The following SCAPER variants were observed in gnomAD, a reference collection of about 807,000 sequenced individuals.
SCAPER encodes the protein S-phase cyclin A associated protein in the ER, also known as S phase cyclin A-associated protein in the endoplasmic reticulum.
A neutral mutation model predicts 182.2 loss-of-function variants in SCAPER; 98 were observed. The observed-to-expected ratio is 0.54, with a 90% CI of 0.46 to 0.64. The LOEUF (loss-of-function observed/expected upper bound fraction) is 0.64. SCAPER is among the 30% of genes least tolerant of loss of function. The probability of loss-of-function intolerance (pLI) is 0.00; values close to 1 mark genes in which losing one functional copy is unlikely to be tolerated. For missense variants in SCAPER, 1,432 were observed against 1,690.0 expected, an observed-to-expected ratio of 0.85 and a Z score of 2.68; for synonymous variants, 605 against 564.6, an observed-to-expected ratio of 1.07 and a Z score of -1.01.
chr15:76,864,707 T>A (rs77866568), intron 2 of SCAPER, among the ~76,000 whole-genome samples: 2 of 152,050 alleles, frequency 1.3e-5, no homozygotes, highest in Non-Finnish European at 2.9e-5. Flanking sequence ...TTTTTTTTTT[T>A]ATTTTAGGCT....
intron 26 of SCAPER, among the ~76,000 whole-genome samples, chr15:76,418,934 G>A (rs1290275311): frequency 6.6e-6 from 1 of 152,204 alleles, no homozygotes; most frequent in African/African-American, 2.4e-5. Flanking sequence ...CCTGGAGTCT[G>A]CCAGGTAGTG....
chr15:76,650,404 G>A (rs1296170103), intron 21 of SCAPER, among the ~76,000 whole-genome samples: 1 of 151,794 alleles, frequency 6.6e-6, no homozygotes, highest in Non-Finnish European at 1.5e-5. Context: ...TTAGGATAAA[G>A]AGAATTAGAA....
chr15:76,799,118 G>C (rs1198424366), intron 7 of SCAPER, among the ~76,000 whole-genome samples: 2 of 152,046 alleles, frequency 1.3e-5, no homozygotes, highest in African/African-American at 4.8e-5. Context: ...TAATTTGTAT[G>C]ACAATAACAC....
chr15:76,597,255 G>A (rs1305720678), intron 22 of SCAPER, among the ~76,000 whole-genome samples: 1 of 121,418 alleles, frequency 8.2e-6, no homozygotes, highest in Non-Finnish European at 2.0e-5. Context: ...CACGGGATGT[G>A]AAGGACCTCT....
At chr15:76,515,042 A>G (rs2144130588) in intron 23 of SCAPER, among the ~76,000 whole-genome samples, 1 of 152,332 alleles carries the variant, frequency 6.6e-6, no homozygotes, top group Middle Eastern at 3.4e-3. Flanking sequence ...ATGTTACAAG[A>G]ACAAAAACAT....
intron 29 of SCAPER, among the ~76,000 whole-genome samples, chr15:76,360,409 C>G (rs2041318525): frequency 6.6e-6 from 1 of 152,222 alleles, no homozygotes; most frequent in East Asian, 1.9e-4. Context: ...GTCCTGGGTC[C>G]TCCAGCTCGT....
chr15:76,745,020 T>A (rs1392129545), intron 15 of SCAPER, among the ~76,000 whole-genome samples: 1 of 152,164 alleles, frequency 6.6e-6, no homozygotes, highest in African/African-American at 2.4e-5. Context: ...AAGGCCATAA[T>A]CCTAAGTGAA....
intron 25 of SCAPER, among the ~76,000 whole-genome samples, chr15:76,447,941 T>C (rs1259371717): frequency 6.6e-6 from 1 of 151,962 alleles, no homozygotes; most frequent in African/African-American, 2.4e-5. Context: ...CTGAGCTGAG[T>C]CTCACAGAAA....
At chr15:76,439,485 A>T (rs542869921) in intron 25 of SCAPER, among the ~76,000 whole-genome samples, 1 of 152,378 alleles carries the variant, frequency 6.6e-6, no homozygotes, top group Admixed American at 6.5e-5. Context: ...TGCCAGAGGT[A>T]AAATAGCTCA....
chr15:76,349,159 T>C (rs965738437), intron 31 of SCAPER: 1 of 152,690 alleles, frequency 6.5e-6, no homozygotes, highest in Admixed American at 6.5e-5. Flanking sequence ...TGAGTAGCCA[T>C]TGCACTCCAG....
chr15:76,614,568 C>T (rs1485256050), intron 22 of SCAPER, among the ~76,000 whole-genome samples: 1 of 151,930 alleles, frequency 6.6e-6, no homozygotes, highest in Non-Finnish European at 1.5e-5. Flanking sequence ...CGCATTTTTA[C>T]ACAATCAATG....
chr15:76,517,872 G>A (rs542741688), intron 23 of SCAPER, among the ~76,000 whole-genome samples: 22 of 151,740 alleles, frequency 1.4e-4, no homozygotes, highest in African/African-American at 4.4e-4. Flanking sequence ...GAGGGATCCC[G>A]AGCTTTCTTA....
rs114727765 is a variant in SCAPER at position 76,461,436 on chromosome 15, C to T, written c.3078+9776G>A. On this transcript the variant is annotated intron_variant, in intron 25 of 31. Coordinates refer to ENST00000563290, the MANE Select transcript of SCAPER (RefSeq NM_020843.4). ...ATTTGTCCACTAATTTTTGCATCCA[C>T]TGATGATTCTCTCCTGCAATATTTA... Among the ~76,000 whole-genome samples, 1,376 of 151,972 alleles carry T rather than the reference C, an allele frequency of 9.1e-3. 26 individuals carry two copies. The highest frequency in any genetic ancestry group is 0.03 in the African/African-American group (1,257 of 41,454).
chr15:76,554,004 G>T (rs572916041), intron 23 of SCAPER, among the ~76,000 whole-genome samples: 2 of 152,226 alleles, frequency 1.3e-5, no homozygotes, highest in Admixed American at 1.3e-4. Context: ...GACAGACACA[G>T]AATTCAGAAT....
Position 76,491,221 on chromosome 15 carries a change from C to T in SCAPER, c.2954+13638G>A, listed in dbSNP as rs116599175. ...AATACTGTTTCAATTACTGTATCTT[C>T]GCATATTTTGAAATCAGGAACTGTT... On this transcript the variant is annotated intron_variant, in intron 24 of 31. Transcript: ENST00000563290. Among the ~76,000 whole-genome samples, 818 of 152,226 alleles carry T rather than the reference C, an allele frequency of 5.4e-3. 6 individuals are homozygous for T. The highest frequency in any genetic ancestry group is 0.019 in the African/African-American group (791 of 41,534).
At chr15:76,348,776 G>A in intron 31 of SCAPER, 40 bp from the exon 32 acceptor site, 1 of 1,210,154 alleles carries the variant, frequency 8.3e-7, no homozygotes, top group Non-Finnish European at 1.1e-6. Context: ...AAATAAAAGA[G>A]GGTTAAATTC....
chr15:76,637,742 A>ATATATATATATGTG (rs1414519401), intron 21 of SCAPER, among the ~76,000 whole-genome samples: 5 of 105,844 alleles, frequency 4.7e-5, no homozygotes, highest in African/African-American at 1.5e-4. Context: ...ATATATATAT[A>ATATATATATATGTG]TGTGTGTGTG....
intron 17 of SCAPER, among the ~76,000 whole-genome samples, chr15:76,713,071 G>T (rs1017559545): frequency 6.6e-6 from 1 of 152,072 alleles, no homozygotes; most frequent in African/African-American, 2.4e-5. Flanking sequence ...TATTGGCTGT[G>T]GGTTTGTCAT....
intron 15 of SCAPER, among the ~76,000 whole-genome samples, chr15:76,751,413 T>C (rs776427488): frequency 1.3e-5 from 2 of 151,468 alleles, no homozygotes; most frequent in Non-Finnish European, 3.0e-5. Flanking sequence ...GGACCCCAAA[T>C]AACCAAAACA....
Sources: gnomAD v4.1 joint callset for allele counts (sites outside exome capture counted in the v4.1 genomes callset) on GRCh38, gnomAD v4.1.1 for gene constraint, MANE v1.5 for transcripts, NCBI Gene and HGNC (gene_info 2026-07-23, HGNC 2026-07-21) for gene names.